Variants in PCMTD1 observed in about 807,000 individuals in gnomAD.
PCMTD1 encodes the protein protein-L-isoaspartate (D-aspartate) O-methyltransferase domain containing 1.
A neutral mutation model predicts 37.6 loss-of-function variants in PCMTD1; 12 were observed. The observed-to-expected ratio is 0.32, with a 90% CI of 0.20 to 0.52. PCMTD1 has a LOEUF of 0.52. Among genes scored for constraint, PCMTD1 ranks in the 20% least tolerant of loss-of-function variants. PCMTD1 has a pLI of 0.97. For missense variants in PCMTD1, 235 were observed against 421.3 expected, an observed-to-expected ratio of 0.56 and a Z score of 3.87; for synonymous variants, 117 against 135.8, an observed-to-expected ratio of 0.86 and a Z score of 0.96.
chr8:51,828,899 A>G (rs961257941), intron 5 of PCMTD1, among the ~76,000 whole-genome samples: 2 of 152,246 alleles, frequency 1.3e-5, no homozygotes, highest in Admixed American at 1.3e-4. Context: ...ACATTTCAAC[A>G]CAGTAACCTC....
At chr8:51,852,652 A>G (rs1280582646) in intron 2 of PCMTD1, among the ~76,000 whole-genome samples, 4 of 152,310 alleles carry the variant, frequency 2.6e-5, no homozygotes, top group Non-Finnish European at 4.4e-5. Context: ...GCAACGAGGT[A>G]AAATATAGGA....
At chr8:51,860,039 A>ATT (rs1269508106) in intron 2 of PCMTD1, among the ~76,000 whole-genome samples, 1 of 152,184 alleles carries the variant, frequency 6.6e-6, no homozygotes, top group African/African-American at 2.4e-5. Flanking sequence ...CATCCAACAT[A>ATT]ATGTCTTATA....
rs77405131 is a variant in PCMTD1, at chr8:51,820,857, T to C, written c.707-139A>G. On this transcript the variant is annotated intron_variant, in intron 5 of 5. Coordinates refer to ENST00000522514, the MANE Select transcript of PCMTD1 (RefSeq NM_052937.4). The stretch of plus-strand genomic sequence containing the variant: ...AAATATGAAAACTCTACCTTTCATC[T>C]AACAAAGGTTTTGGAGTAGTCATTA... 6.7e-4 allele frequency: 696 copies of C among 1,039,088 alleles called. 11 individuals are homozygous for C. The East Asian group carries it at 0.015, about 22-fold the overall frequency. The allele number at this position is 1,039,088 out of a possible 1,614,324, so 64.4% of individuals were successfully genotyped here.
chr8:51,852,965 T>C (rs1265030133), intron 2 of PCMTD1, among the ~76,000 whole-genome samples: 2 of 152,166 alleles, frequency 1.3e-5, no homozygotes, highest in Non-Finnish European at 2.9e-5. Context: ...AGGCACCACA[T>C]GTTTAAGAAC....
At chr8:51,849,618 C>T (rs774300468) in intron 2 of PCMTD1, 17 of 152,956 alleles carry the variant, frequency 1.1e-4, no homozygotes, top group Non-Finnish European at 2.0e-4. Context: ...TGACAAACCC[C>T]CATTGATAAC....
chr8:51,851,688 G>T (rs1041278553), intron 2 of PCMTD1, among the ~76,000 whole-genome samples: 2 of 148,634 alleles, frequency 1.3e-5, no homozygotes, highest in African/African-American at 2.5e-5. Context: ...GGAGTTTTGC[G>T]CTTATTACCC....
chr8:51,849,905 A>C, intron 2 of PCMTD1: 1 of 612,074 alleles, frequency 1.6e-6, no homozygotes. Context: ...ACTGAGGCAG[A>C]CCAAGGAAAC....
At chr8:51,837,309 T>C (rs552565095) in intron 3 of PCMTD1, among the ~76,000 whole-genome samples, 9 of 152,264 alleles carry the variant, frequency 5.9e-5, no homozygotes, top group Non-Finnish European at 1.0e-4. Context: ...TTTAAATTGA[T>C]TTCCTTTACC....
chr8:51,873,897 C>CA (rs979808182), intron 1 of PCMTD1, among the ~76,000 whole-genome samples: 2 of 148,382 alleles, frequency 1.3e-5, no homozygotes, highest in Non-Finnish European at 3.0e-5. Flanking sequence ...TCAGGTATTT[C>CA]TTTTTTTTTT....
chr8:51,827,101 CTACACACCCACAAAAACTTA>C, intron 5 of PCMTD1: 1 of 1,003,104 alleles, frequency 1.0e-6, no homozygotes, highest in Non-Finnish European at 1.2e-6. Flanking sequence ...TAACTTACTT[CTACACACCCACAAAAACTTA>C]TTCTCCATAC....
intron 2 of PCMTD1, among the ~76,000 whole-genome samples, chr8:51,859,508 G>A (rs1002575339): frequency 5.3e-5 from 8 of 152,136 alleles, no homozygotes; most frequent in African/African-American, 1.7e-4. Context: ...ACCCAGTTGC[G>A]GAATGAAAGG....
chr8:51,838,804 TCA>T (rs984113517), intron 3 of PCMTD1, among the ~76,000 whole-genome samples: 2 of 152,188 alleles, frequency 1.3e-5, no homozygotes, highest in African/African-American at 4.8e-5. Context: ...ACGAAAGTTC[TCA>T]GTTTATCACA....
chr8:51,821,472 G>C (rs745958497), intron 5 of PCMTD1, among the ~76,000 whole-genome samples: 10 of 151,990 alleles, frequency 6.6e-5, no homozygotes, highest in Non-Finnish European at 1.3e-4. Flanking sequence ...AAAACCATCT[G>C]CTCTGCCCAT....
At chr8:51,891,688 ATATATATG>A (rs1389991495) in intron 1 of PCMTD1, among the ~76,000 whole-genome samples, 1 of 74,206 alleles carries the variant, frequency 1.3e-5, no homozygotes, top group Non-Finnish European at 4.1e-5. Context: ...ATATATATAC[ATATATATG>A]TATATATATA....
chr8:51,846,717 T>C (rs1013343719), intron 2 of PCMTD1, among the ~76,000 whole-genome samples: 2 of 151,990 alleles, frequency 1.3e-5, no homozygotes, highest in African/African-American at 4.8e-5. Context: ...TTGTTTCTAC[T>C]GACCATTAGG....
chr8:51,850,609 C>T (rs1169818136), intron 2 of PCMTD1, among the ~76,000 whole-genome samples: 1 of 152,174 alleles, frequency 6.6e-6, no homozygotes, highest in East Asian at 1.9e-4. Context: ...ATCCAAATCT[C>T]TGTTCTCATT....
At chr8:51,865,794 CAG>C (rs2038546211) in intron 1 of PCMTD1, among the ~76,000 whole-genome samples, 1 of 150,550 alleles carries the variant, frequency 6.6e-6, no homozygotes, top group Admixed American at 6.6e-5. Flanking sequence ...CTATTCAACA[CAG>C]AACAAAATGC....
intron 3 of PCMTD1, among the ~76,000 whole-genome samples, chr8:51,840,915 T>C (rs1052924644): frequency 6.6e-6 from 1 of 152,308 alleles, no homozygotes; most frequent in Admixed American, 6.5e-5. Context: ...GTGAATTAAG[T>C]GCATTAACAG....
intron 2 of PCMTD1, among the ~76,000 whole-genome samples, chr8:51,852,209 A>T (rs2038318425): frequency 6.6e-6 from 1 of 152,238 alleles, no homozygotes. Flanking sequence ...CCATATCCTC[A>T]GCAGCTGGCA....
Sources: allele counts gnomAD v4.1 joint callset (sites outside exome capture counted in the v4.1 genomes callset), GRCh38; gene constraint gnomAD v4.1.1; transcripts MANE v1.5; gene names NCBI Gene and HGNC (gene_info 2026-07-23, HGNC 2026-07-21).